The following DBN1 variants were observed in gnomAD, a reference collection of about 807,000 sequenced individuals.
DBN1 encodes drebrin.
DBN1 carries 21 observed loss-of-function variants against 83.5 expected under a neutral mutation model. The ratio of observed to expected loss-of-function variants is 0.25; its 90% CI spans 0.18 to 0.36. The LOEUF is 0.36. Among genes scored for constraint, DBN1 ranks in the 10% least tolerant of loss-of-function variants. The probability of loss-of-function intolerance (pLI) is 1.00; values close to 1 mark genes in which losing one functional copy is unlikely to be tolerated. For missense variants in DBN1, 874 were observed against 935.7 expected (o/e 0.93, Z 0.86); for synonymous variants, 381 against 384.9 (o/e 0.99, Z 0.12).
chr5:177,458,307 C>T lies in DBN1; in HGVS notation c.1665G>A (p.Val555=), dbSNP rs750019657. 1 of 1,613,312 alleles carries T rather than the reference C, an allele frequency of 6.2e-7. No individual in the cohort carries two copies. The highest frequency in any genetic ancestry group is 8.5e-7 in the Non-Finnish European group (1 of 1,179,454). ...CCGGAGCCACCTCATCCAGCAGGGG[C>T]ACCTCTGCCAGGGTGACCTCAGTAC... ...PSGTEVTLAE[V]PLLDEVAPEP... Residue 555 remains valine (V), a synonymous_variant, in exon 13 of 15, where the codon GTG becomes GTA. Coordinates refer to ENST00000393565, the MANE Select transcript of DBN1 (RefSeq NM_001363541.2).
chr5:177,459,370 G>T, intron 11 of DBN1, 102 bp from the exon 12 acceptor site: 1 of 1,508,236 alleles, frequency 6.6e-7, no homozygotes, highest in Non-Finnish European at 8.8e-7. Context: ...TGGAATCTGG[G>T]TGGGGGCTGG....
In DBN1 at chr5:177,459,234, G is replaced by A; in HGVS notation, c.1128C>T (p.Pro376=). 1.2e-6 allele frequency: 2 copies of A among 1,610,666 alleles called. No individual in the cohort carries two copies. Among genetic ancestry groups the A allele is most frequent in the Non-Finnish European group, 1.7e-6 (2 of 1,179,256 alleles). ...SHLDSHRRMA[P]TPIPTRSPSD... ...ACGGGCTCCGCGTGGGGATGGGAGTGGGCGCCATCCTCCGGTGGCTGTCCA... is the reference window on the plus strand; with the variant it reads ...ACGGGCTCCGCGTGGGGATGGGAGTAGGCGCCATCCTCCGGTGGCTGTCCA... The change falls in exon 12 of 15, where the codon CCC becomes CCT. Residue 376 remains proline, a synonymous_variant. Transcript: ENST00000393565.
intron 1 of DBN1, 119 bp downstream of exon 1, chr5:177,473,308 TCCCGGCCCG>T: frequency 2.1e-6 from 1 of 484,074 alleles, no homozygotes; most frequent in Non-Finnish European, 3.2e-6. Flanking sequence ...CTCCCGGCCC[TCCCGGCCCG>T]CTGCACCATT....
chr5:177,469,287 C>A (rs1757683305), intron 1 of DBN1, among the ~76,000 whole-genome samples: 1 of 152,022 alleles, frequency 6.6e-6, no homozygotes, highest in Non-Finnish European at 1.5e-5. Flanking sequence ...CAGGAACTTA[C>A]CTGGCACGTG....
intron 11 of DBN1, 41 bp downstream of exon 11, chr5:177,459,562 C>T: frequency 6.9e-7 from 1 of 1,458,942 alleles, no homozygotes; most frequent in East Asian, 2.6e-5. Context: ...GAAGCGGGGC[C>T]CTCCTTACCA....
chr5:177,459,619 G>C lies in DBN1; in HGVS notation c.1077C>G (p.Leu359=). The part of the protein sequence containing the change: ...PYITCHRTPN[L]SSSLPCSHLD... Reference sequence around the variant, plus strand: ...GCTACCTACATGGGAGGGAGGAAGAGAGGTTTGGGGTGCGGTGGCAGGTGA... The same window carrying C: ...GCTACCTACATGGGAGGGAGGAAGACAGGTTTGGGGTGCGGTGGCAGGTGA... The change falls in exon 11 of 15, where the codon CTC becomes CTG. Residue 359 remains leucine, a synonymous_variant. Coordinates refer to ENST00000393565, the MANE Select transcript of DBN1 (RefSeq NM_001363541.2). The C allele has an allele frequency of 6.4e-7, 1 of 1,552,070 alleles. No homozygotes were observed. The highest frequency in any genetic ancestry group is 8.7e-7 in the Non-Finnish European group (1 of 1,148,780).
intron 8 of DBN1, among the ~76,000 whole-genome samples, chr5:177,461,960 A>C (rs2127396194): frequency 6.6e-6 from 1 of 152,296 alleles, no homozygotes; most frequent in African/African-American, 2.4e-5. Context: ...TGAGGGTCCC[A>C]GTTTCTCTTG....
Position 177,473,585 on chromosome 5 carries a change from GA to G in DBN1, c.-65del. On this transcript the variant is annotated 5_prime_UTR_variant, in exon 1 of 15. Transcript: ENST00000393565. ...ACGGACGGGCGGACGGAGGAGGAGG[GA>G]GGGAAAGAGGGAGTCGCCGCCGCCG... The G allele has an allele frequency of 9.1e-7, 1 of 1,094,954 alleles. No homozygotes were observed. The highest frequency in any genetic ancestry group is 1.2e-6 in the Non-Finnish European group (1 of 858,944). 67.8% of individuals were successfully genotyped at this position (1,094,954 alleles called of 1,614,324 possible).
In DBN1 at chr5:177,460,321, G is replaced by A. The variant is rs1756926065; in HGVS notation, c.955+111C>T. ...GGATGCACGCTGGATGAAGGGTCTCGCCTTCTCCAAGGGTTGCTTGGGCAA... is the reference window on the plus strand; with the variant it reads ...GGATGCACGCTGGATGAAGGGTCTCACCTTCTCCAAGGGTTGCTTGGGCAA... On this transcript the variant is annotated intron_variant, in intron 10 of 14. Transcript: ENST00000393565. 9 of 1,506,172 alleles carry A rather than the reference G, an allele frequency of 6.0e-6. No individual in the cohort carries two copies. Among genetic ancestry groups the A allele is most frequent in the Non-Finnish European group, 7.3e-6 (8 of 1,092,930 alleles). The allele number at this position is 1,506,172 out of a possible 1,614,324, so 93.3% of individuals were successfully genotyped here.
Position 177,457,395 on chromosome 5 carries a change from G to A in DBN1, c.*38C>T, listed in dbSNP as rs981679899. On this transcript the variant is annotated 3_prime_UTR_variant, in exon 15 of 15. Transcript: ENST00000393565. The stretch of plus-strand genomic sequence containing the variant: ...TCTGGCCAGAGGCTGATGCAGGTGG[G>A]CGGCCTTGGCAAGGGTAGCCTAGGG... 14 of 1,578,966 alleles carry A rather than the reference G, an allele frequency of 8.9e-6. No homozygotes were observed. Among genetic ancestry groups the A allele is most frequent in the African/African-American group, 1.3e-5 (1 of 74,278 alleles).
rs1382329189 is a variant in DBN1, at chr5:177,463,259, G to A, written c.772-2556C>T. On this transcript the variant is annotated intron_variant, in intron 8 of 14. Transcript: ENST00000393565. ...TCACCATGTTAGCCAGGATGGTCTCGATCTCCTGACCTCATGATCCGCCTG... is the reference window on the plus strand; with the variant it reads ...TCACCATGTTAGCCAGGATGGTCTCAATCTCCTGACCTCATGATCCGCCTG... Among the ~76,000 whole-genome samples the A allele has an allele frequency of 6.6e-5, 10 of 152,126 alleles. No individual in the cohort carries two copies. The East Asian group carries it at 1.7e-3, about 26-fold the overall frequency.
rs1757501598 is a variant in DBN1, at chr5:177,467,117, G to T, written c.556-55C>A. The T allele has an allele frequency of 2.5e-6, 4 of 1,610,116 alleles. No homozygotes were observed. Among genetic ancestry groups the T allele is most frequent in the Non-Finnish European group, 3.4e-6 (4 of 1,178,096 alleles). ...CCCCGAGCCTAGGCGCCTGGACCCTGCCCCTCCAGCCCCTCCCTAACCCAG... is the reference window on the plus strand; with the variant it reads ...CCCCGAGCCTAGGCGCCTGGACCCTTCCCCTCCAGCCCCTCCCTAACCCAG... On this transcript the variant is annotated intron_variant, in intron 6 of 14. Coordinates refer to ENST00000393565, the MANE Select transcript of DBN1 (RefSeq NM_001363541.2). The surrounding 1 kb of genome is among the most constrained non-coding windows in gnomAD (Gnocchi z 9.1).
intron 8 of DBN1, among the ~76,000 whole-genome samples, chr5:177,461,076 G>A (rs1037978180): frequency 2.0e-5 from 3 of 149,774 alleles, no homozygotes; most frequent in Non-Finnish European, 4.4e-5. Context: ...AGCCACCAGT[G>A]CCCGGCCTTC....
intron 2 of DBN1, chr5:177,468,507 C>T: frequency 2.0e-6 from 1 of 496,978 alleles, no homozygotes; most frequent in Non-Finnish European, 3.6e-6. Flanking sequence ...CATGTCTCAC[C>T]AGGTGCCAGT....
At position 177,459,118 on chromosome 5, in the gene DBN1, G is replaced by A. The variant is rs34692220; in HGVS notation, c.1244C>T (p.Pro415Leu). ...VTSSQPPPLP[P>L]PPPPAQETQE... ...CTCACCTTGGGCTGGTGGGGGTGGC[G>A]GTGGCAGTGGTGGAGGCTGCGAGGA... The change falls in exon 12 of 15, where the codon CCG becomes CTG. Residue 415 changes from proline (P) to leucine (L), a missense_variant. Physicochemically the swap from Pro to Leu is moderately conservative, Grantham distance 98. This residue lies in a region of DBN1 where 725 missense variants were observed against 719.7 expected (regional missense o/e 1.01). Coordinates refer to ENST00000393565, the MANE Select transcript of DBN1 (RefSeq NM_001363541.2). 3,846 of 1,609,954 alleles carry A rather than the reference G, an allele frequency of 2.4e-3. 22 individuals are homozygous for A. Among genetic ancestry groups the A allele is most frequent in the South Asian group, 7.2e-3 (657 of 90,832 alleles).
In DBN1 at chr5:177,457,737, A is replaced by C; in HGVS notation, c.1935T>G (p.Ser645Arg). 2 of 1,611,260 alleles carry C rather than the reference A, an allele frequency of 1.2e-6. No individual in the cohort carries two copies. The highest frequency in any genetic ancestry group is 8.5e-7 in the Non-Finnish European group (1 of 1,177,526). Residue 645 changes from serine (S) to arginine (R), a missense_variant, in exon 14 of 15, where the codon AGT (serine) becomes AGG (arginine). Physicochemically the swap from Ser to Arg is moderately radical, Grantham distance 110. Coordinates refer to ENST00000393565, the MANE Select transcript of DBN1 (RefSeq NM_001363541.2). ...EGTQASEGYF[S>R]QSQEEEFAQS... is the part of the protein sequence containing the mutation. ...GGGCAAACTCCTCCTCCTGTGATTGACTGAAGTACCCCTCACTGGCCTGCA... is the reference window on the plus strand; with the variant it reads ...GGGCAAACTCCTCCTCCTGTGATTGCCTGAAGTACCCCTCACTGGCCTGCA...
chr5:177,457,595 CCCACACTCAAAT>C, intron 14 of DBN1, 48 bp downstream of exon 14: 1 of 1,525,618 alleles, frequency 6.6e-7, no homozygotes, highest in East Asian at 2.3e-5. Context: ...GGGGTGGCTA[CCCACACTCAAAT>C]CCAGCCCCCG....
rs1374874077 is a variant in DBN1 at position 177,460,314 on chromosome 5, G to A, written c.955+118C>T. The A allele has an allele frequency of 2.1e-6, 3 of 1,456,774 alleles. No homozygotes were observed. The Admixed American group carries it at 5.2e-5, about 25-fold the overall frequency. The allele number at this position is 1,456,774 out of a possible 1,614,324, so 90.2% of individuals were successfully genotyped here. A position where few individuals can be genotyped will look rare whatever the true frequency, so the allele number is the denominator to read the frequency against. ...GGTGGGCGGATGCACGCTGGATGAAGGGTCTCGCCTTCTCCAAGGGTTGCT... is the reference window on the plus strand; with the variant it reads ...GGTGGGCGGATGCACGCTGGATGAAAGGTCTCGCCTTCTCCAAGGGTTGCT... On this transcript the variant is annotated intron_variant, in intron 10 of 14. Transcript: ENST00000393565.
intron 8 of DBN1, among the ~76,000 whole-genome samples, chr5:177,465,114 C>T (rs754516590): frequency 6.6e-6 from 1 of 152,138 alleles, no homozygotes; most frequent in African/African-American, 2.4e-5. Flanking sequence ...GATGGCGCCA[C>T]TGCACTCCGG....
Sources: allele counts gnomAD v4.1 joint callset (sites outside exome capture counted in the v4.1 genomes callset), GRCh38; gene constraint gnomAD v4.1.1; regional missense constraint gnomAD v4.1.1; non-coding constraint Gnocchi (gnomAD v3.1); transcripts MANE v1.5; gene names NCBI Gene and HGNC (gene_info 2026-07-23, HGNC 2026-07-21).